The following SLC9A9 variants were observed in gnomAD, a reference collection of about 807,000 sequenced individuals.
SLC9A9 encodes sodium/hydrogen exchanger 9.
In SLC9A9, 62 loss-of-function variants were observed where a neutral mutation model predicts 77.8. That is an observed-to-expected ratio of 0.80 (90% CI 0.65 to 0.98). SLC9A9 has a LOEUF of 0.98. Among genes scored for constraint, SLC9A9 ranks in the 50% least tolerant of loss-of-function variants. SLC9A9 has a pLI of 0.00. For synonymous variants in SLC9A9, 320 were observed against 283.5 expected, an observed-to-expected ratio of 1.13 and a Z score of -1.29; for missense variants, 775 against 774.9, an observed-to-expected ratio of 1.00 and a Z score of 0.00.
chr3:143,682,581 T>C (rs1253189108), intron 5 of SLC9A9, among the ~76,000 whole-genome samples: 1 of 151,570 alleles, frequency 6.6e-6, no homozygotes, highest in Non-Finnish European at 1.5e-5. Context: ...ACAAACTTAG[T>C]GGCTTAAAAT....
chr3:143,366,812 C>G (rs1313850532), intron 13 of SLC9A9, among the ~76,000 whole-genome samples: 1 of 152,160 alleles, frequency 6.6e-6, no homozygotes, highest in African/African-American at 2.4e-5. Flanking sequence ...CAAGATTCCT[C>G]TTATCTAGAT....
chr3:143,802,272 C>T (rs1398033561), intron 2 of SLC9A9, among the ~76,000 whole-genome samples: 1 of 152,214 alleles, frequency 6.6e-6, no homozygotes, highest in African/African-American at 2.4e-5. Context: ...TTACAAGCCG[C>T]TAGCCCGCCT....
In SLC9A9 at chr3:143,574,098, G is replaced by A. The variant is rs140574815; in HGVS notation, c.990C>T (p.Ala330=). 18 of 1,612,966 alleles carry A rather than the reference G, an allele frequency of 1.1e-5. No homozygotes were observed. The highest frequency in any genetic ancestry group is 9.3e-5 in the African/African-American group (7 of 74,984). ...SWSAFLSAEA[A]GLTGIVAVLF... Reference sequence around the variant, plus strand: ...GCATGAAGCACTGACCTGTTAGGCCGGCAGCCTCGGCAGACAGGAAGGCAC... The same window carrying A: ...GCATGAAGCACTGACCTGTTAGGCCAGCAGCCTCGGCAGACAGGAAGGCAC... The change falls in exon 8 of 16, where the codon GCC becomes GCT. Residue 330 remains alanine (A), a synonymous_variant. Transcript: ENST00000316549.
At chr3:143,801,910 C>T (rs1360778349) in intron 2 of SLC9A9, among the ~76,000 whole-genome samples, 2 of 152,170 alleles carry the variant, frequency 1.3e-5, no homozygotes, top group African/African-American at 4.8e-5. Flanking sequence ...ACACAAGAGT[C>T]CTCCATCATT....
At chr3:143,324,172 C>T (rs1304436006) in intron 14 of SLC9A9, among the ~76,000 whole-genome samples, 2 of 152,050 alleles carry the variant, frequency 1.3e-5, no homozygotes, top group Admixed American at 6.5e-5. Context: ...GAGGGAGGGG[C>T]AGAACAGCAC....
chr3:143,634,807 T>G (rs978698331), intron 6 of SLC9A9, among the ~76,000 whole-genome samples: 1 of 152,186 alleles, frequency 6.6e-6, no homozygotes, highest in Non-Finnish European at 1.5e-5. Flanking sequence ...CCCTCCATTA[T>G]TTATAAAAAA....
chr3:143,475,672 G>A (rs1407355401), intron 11 of SLC9A9, among the ~76,000 whole-genome samples: 2 of 151,852 alleles, frequency 1.3e-5, no homozygotes, highest in Non-Finnish European at 2.9e-5. Context: ...AATGCCTGTA[G>A]TCCCAGGTAC....
Position 143,596,131 on chromosome 3 carries a change from AGTAAAGCC to A in SLC9A9, c.756-17416_756-17409del. Among the ~76,000 whole-genome samples, 5 of 152,340 alleles carry A rather than the reference AGTAAAGCC, an allele frequency of 3.3e-5. No homozygotes were observed. In the Middle Eastern group the frequency reaches 0.01, roughly 311 times the overall value. On this transcript the variant is annotated intron_variant, in intron 6 of 15. Transcript: ENST00000316549. ...AACAAACCAGGGTACGACATAGTTT[AGTAAAGCC>A]TGGATCACATGAAAATTTGGTGGTA...
At chr3:143,666,572 A>T (rs983422892) in intron 5 of SLC9A9, among the ~76,000 whole-genome samples, 2 of 152,244 alleles carry the variant, frequency 1.3e-5, no homozygotes, top group African/African-American at 2.4e-5. Flanking sequence ...ACATGATTGT[A>T]TATTTAGAAA....
At chr3:143,592,163 G>A (rs549546331) in intron 6 of SLC9A9, among the ~76,000 whole-genome samples, 1 of 152,342 alleles carries the variant, frequency 6.6e-6, no homozygotes, top group South Asian at 2.1e-4. Context: ...AAAAGCTGAG[G>A]CAAATGGTAA....
At chr3:143,699,382 A>G (rs984247074) in intron 4 of SLC9A9, among the ~76,000 whole-genome samples, 3 of 152,186 alleles carry the variant, frequency 2.0e-5, no homozygotes, top group African/African-American at 7.2e-5. Context: ...CACTCACAGT[A>G]CCTGGTTTTG....
chr3:143,604,345 G>A (rs775233929), intron 6 of SLC9A9, among the ~76,000 whole-genome samples: 6 of 152,200 alleles, frequency 3.9e-5, no homozygotes, highest in Non-Finnish European at 4.4e-5. Flanking sequence ...AGATGAATAA[G>A]ACAAGAAGTA....
intron 2 of SLC9A9, among the ~76,000 whole-genome samples, chr3:143,822,909 G>T (rs1277377491): frequency 6.6e-6 from 1 of 151,764 alleles, no homozygotes; most frequent in African/African-American, 2.4e-5. Context: ...CCATCCCTAC[G>T]CAATTATTTG....
intron 14 of SLC9A9, among the ~76,000 whole-genome samples, chr3:143,276,705 A>G (rs915048690): frequency 2.6e-5 from 4 of 152,168 alleles, no homozygotes; most frequent in Non-Finnish European, 4.4e-5. Flanking sequence ...AACCTATATC[A>G]CAACTCCTAT....
At chr3:143,800,605 C>G (rs2008524332) in intron 2 of SLC9A9, among the ~76,000 whole-genome samples, 1 of 152,222 alleles carries the variant, frequency 6.6e-6, no homozygotes, top group Non-Finnish European at 1.5e-5. Flanking sequence ...TGGACTGACC[C>G]TGACACCCAT....
chr3:143,394,447 G>A (rs911556562), intron 12 of SLC9A9, among the ~76,000 whole-genome samples: 3 of 152,162 alleles, frequency 2.0e-5, no homozygotes, highest in African/African-American at 7.2e-5. Context: ...TTGATGGGAT[G>A]TATCTCAAAA....
chr3:143,457,129 C>G (rs1383317989), intron 12 of SLC9A9, among the ~76,000 whole-genome samples: 2 of 152,086 alleles, frequency 1.3e-5, no homozygotes, highest in Admixed American at 1.3e-4. Flanking sequence ...AAATGATCCT[C>G]TTGCCTCAGC....
chr3:143,570,496 G>T (rs1171454102), intron 8 of SLC9A9, among the ~76,000 whole-genome samples: 3 of 151,956 alleles, frequency 2.0e-5, no homozygotes, highest in Admixed American at 1.3e-4. Context: ...TTTATTTTCA[G>T]GCAGTTACAT....
intron 8 of SLC9A9, among the ~76,000 whole-genome samples, chr3:143,558,455 G>T (rs902324919): frequency 2.0e-5 from 3 of 152,200 alleles, no homozygotes; most frequent in Admixed American, 6.5e-5. Context: ...CTGAGACAGG[G>T]TTGTACCCTA....
Sources: gnomAD v4.1 joint callset for allele counts (sites outside exome capture counted in the v4.1 genomes callset) on GRCh38, gnomAD v4.1.1 for gene constraint, MANE v1.5 for transcripts, NCBI Gene and HGNC (gene_info 2026-07-23, HGNC 2026-07-21) for gene names.